The following RBMS3 variants were observed in gnomAD, a reference collection of about 807,000 sequenced individuals.
RBMS3 encodes RNA-binding motif, single-stranded-interacting protein 3.
Under a neutral mutation model 66.8 loss-of-function variants are expected in RBMS3, and 27 were observed. The ratio of observed to expected loss-of-function variants is 0.40; its 90% CI spans 0.30 to 0.56. The LOEUF is 0.56. Among genes scored for constraint, RBMS3 ranks in the 20% least tolerant of loss-of-function variants. RBMS3 has a pLI of 0.40. For missense variants in RBMS3, 513 were observed against 549.5 expected, an observed-to-expected ratio of 0.93 and a Z score of 0.66; for synonymous variants, 188 against 183.0, an observed-to-expected ratio of 1.03 and a Z score of -0.22.
At chr3:29,378,257 G>T in intron 1 of RBMS3, among the ~76,000 whole-genome samples, 1 of 152,100 alleles carries the variant, frequency 6.6e-6, no homozygotes, top group East Asian at 1.9e-4. Flanking sequence ...TGGATCACGA[G>T]GTCAGGAGAT....
At chr3:29,358,294 A>T (rs951678047) in intron 1 of RBMS3, among the ~76,000 whole-genome samples, 1 of 152,214 alleles carries the variant, frequency 6.6e-6, no homozygotes, top group African/African-American at 2.4e-5. Flanking sequence ...ACCATTTGTT[A>T]AATAGGAAAT....
chr3:29,672,805 G>T (rs569029062), intron 4 of RBMS3, among the ~76,000 whole-genome samples: 2 of 152,240 alleles, frequency 1.3e-5, no homozygotes, highest in Admixed American at 1.3e-4. Context: ...GACATACAAA[G>T]AGGCTTAGAC....
intron 4 of RBMS3, among the ~76,000 whole-genome samples, chr3:29,722,762 T>G (rs947483623): frequency 3.9e-5 from 6 of 152,098 alleles, no homozygotes; most frequent in Non-Finnish European, 5.9e-5. Context: ...TATGCCTTGC[T>G]GAAAGGAATG....
chr3:29,880,649 T>A, intron 7 of RBMS3: 2 of 753,658 alleles, frequency 2.7e-6, no homozygotes, highest in Non-Finnish European at 4.5e-6. Context: ...GTGTTAGTTA[T>A]TGTGCTATTA....
chr3:29,849,012 A>G (rs1665513206), intron 6 of RBMS3, among the ~76,000 whole-genome samples: 2 of 152,158 alleles, frequency 1.3e-5, no homozygotes, highest in African/African-American at 2.4e-5. Flanking sequence ...TGTGTTTATT[A>G]ATATCTTTGC....
At chr3:29,864,546 G>T (rs1184733282) in intron 6 of RBMS3, among the ~76,000 whole-genome samples, 1 of 152,034 alleles carries the variant, frequency 6.6e-6, no homozygotes, top group African/African-American at 2.4e-5. Context: ...AGCCTCTATG[G>T]AGTTAAAATG....
At chr3:29,467,162 A>G (rs1157492363) in intron 2 of RBMS3, among the ~76,000 whole-genome samples, 3 of 152,194 alleles carry the variant, frequency 2.0e-5, no homozygotes, top group Non-Finnish European at 2.9e-5. Context: ...CCTTTTGCTT[A>G]AATTTTGGCA....
At chr3:29,287,914 A>AT (rs967921743) in intron 1 of RBMS3, among the ~76,000 whole-genome samples, 13 of 150,966 alleles carry the variant, frequency 8.6e-5, no homozygotes, top group East Asian at 3.9e-4. Flanking sequence ...TTTTGTTTTT[A>AT]TTTTTTTTTA....
intron 1 of RBMS3, among the ~76,000 whole-genome samples, chr3:29,365,699 G>A (rs553367792): frequency 8.5e-5 from 13 of 152,122 alleles, no homozygotes; most frequent in East Asian, 1.9e-4. Flanking sequence ...TGCCCTGGCC[G>A]CCTTCAAATC....
intron 2 of RBMS3, among the ~76,000 whole-genome samples, chr3:29,439,471 A>G (rs1007500374): frequency 2.0e-5 from 3 of 152,126 alleles, no homozygotes; most frequent in African/African-American, 7.2e-5. Flanking sequence ...AGATTTTGTC[A>G]TATGCATTCT....
chr3:29,871,771 T>C (rs2059497548), intron 7 of RBMS3, among the ~76,000 whole-genome samples: 1 of 152,110 alleles, frequency 6.6e-6, no homozygotes, highest in Admixed American at 6.6e-5. Context: ...ACCAATAGAT[T>C]ACAAGTATTT....
intron 6 of RBMS3, among the ~76,000 whole-genome samples, chr3:29,836,182 A>G (rs1171286446): frequency 6.6e-6 from 1 of 152,050 alleles, no homozygotes; most frequent in African/African-American, 2.4e-5. Flanking sequence ...ATTATATCAA[A>G]CATTTCAAGA....
intron 4 of RBMS3, among the ~76,000 whole-genome samples, chr3:29,638,986 C>T (rs1024623205): frequency 6.6e-6 from 1 of 151,444 alleles, no homozygotes; most frequent in Non-Finnish European, 1.5e-5. Context: ...CATAATAATC[C>T]TTTCTTTAAG....
rs1559869092 is a variant in RBMS3 at position 29,990,520 on chromosome 3, G to GTTTTGT, written c.1180-560_1180-555dup. Among the ~76,000 whole-genome samples the GTTTTGT allele has an allele frequency of 2.5e-4, 37 of 146,954 alleles. No homozygotes were observed. The South Asian group carries it at 7.5e-3, about 30-fold the overall frequency. The stretch of plus-strand genomic sequence containing the variant: ...AAAAGCAAACCAAAATTAAGGACAA[G>GTTTTGT]TTTTGTTGTTGTTTTCTTAAAACTT... On this transcript the variant is annotated intron_variant, in intron 13 of 14. Transcript: ENST00000383767.
intron 12 of RBMS3, among the ~76,000 whole-genome samples, chr3:29,986,093 T>C (rs780657874): frequency 6.6e-6 from 1 of 152,138 alleles, no homozygotes; most frequent in African/African-American, 2.4e-5. Flanking sequence ...TTACTAACTT[T>C]AGAATAGGAA....
intron 4 of RBMS3, among the ~76,000 whole-genome samples, chr3:29,663,256 A>G (rs1201715155): frequency 2.1e-5 from 3 of 144,486 alleles, no homozygotes; most frequent in African/African-American, 5.1e-5. Flanking sequence ...AGAGAGACAG[A>G]TAGTGCTTTA....
In RBMS3 at chr3:29,527,181, T is replaced by TTAAAAAAAAAAAAAAAAAAA. The variant is rs1491567884; in HGVS notation, c.307+38682_307+38683insTAAAAAAAAAAAAAAAAAAA. ...TTTCAGACGTGATTGTTAGGTAGAG[T>TTAAAAAAAAAAAAAAAAAAA]AAAAAAAAAAAAAAAAAAAAAAAAA... On this transcript the variant is annotated intron_variant, in intron 3 of 14. Transcript: ENST00000383767. Among the ~76,000 whole-genome samples, 79 of 87,814 alleles carry TTAAAAAAAAAAAAAAAAAAA rather than the reference T, an allele frequency of 9.0e-4. 11 individuals carry two copies. Among genetic ancestry groups the TTAAAAAAAAAAAAAAAAAAA allele is most frequent in the African/African-American group, 1.9e-3 (40 of 21,070 alleles). The allele number at this position is 87,814 out of a possible 152,430, so 57.6% of individuals were successfully genotyped here.
chr3:29,947,659 C>CTTTTCCATA (rs1174798218), intron 12 of RBMS3, among the ~76,000 whole-genome samples: 1 of 151,366 alleles, frequency 6.6e-6, no homozygotes, highest in Admixed American at 6.6e-5. Context: ...TTTAGTATTT[C>CTTTTCCATA]TTTTCCATAA....
chr3:30,000,630 G>T (rs1433821283), intron 14 of RBMS3, among the ~76,000 whole-genome samples: 1 of 152,138 alleles, frequency 6.6e-6, no homozygotes, highest in Non-Finnish European at 1.5e-5. Context: ...CAAAGAGTTG[G>T]AACCAACCCA....
Sources: gnomAD v4.1 joint callset for allele counts (sites outside exome capture counted in the v4.1 genomes callset) on GRCh38, gnomAD v4.1.1 for gene constraint, MANE v1.5 for transcripts, NCBI Gene and HGNC (gene_info 2026-07-23, HGNC 2026-07-21) for gene names.